Variants in USP47 observed in about 807,000 individuals in gnomAD.
The protein encoded by USP47 is ubiquitin carboxyl-terminal hydrolase 47.
USP47 carries 35 observed loss-of-function variants against 165.1 expected under a neutral mutation model. The observed-to-expected ratio is 0.21, with a 90% CI of 0.16 to 0.28. The LOEUF (loss-of-function observed/expected upper bound fraction) is 0.28, where lower values mean the gene tolerates loss of function less well. USP47 is among the 10% of genes least tolerant of loss of function. USP47 has a pLI of 1.00. For synonymous variants in USP47, 531 were observed against 544.5 expected (o/e 0.98, Z 0.35); for missense variants, 1,277 against 1,607.4 (o/e 0.79, Z 3.52).
intron 1 of USP47, among the ~76,000 whole-genome samples, chr11:11,862,114 A>G (rs141268460): frequency 2.1e-4 from 32 of 152,190 alleles, no homozygotes; most frequent in African/African-American, 7.2e-4. Flanking sequence ...ACTTCACTTA[A>G]GTAGTAAAAG....
At position 11,929,489 on chromosome 11, in the gene USP47, G is replaced by T; in HGVS notation, c.1442G>T (p.Gly481Val). The T allele has an allele frequency of 6.2e-7, 1 of 1,613,256 alleles. No individual in the cohort carries two copies. Among genetic ancestry groups the T allele is most frequent in the Non-Finnish European group, 8.5e-7 (1 of 1,179,450 alleles). ...ATGGTTCATTCTGGGAGCGCTGCTG[G>T]TGGTCATTATTATGCATGTATAAAG... ...SVMVHSGSAAGGHYYACIKSF... is the reference protein window; with the variant it reads ...SVMVHSGSAAVGHYYACIKSF... The change falls in exon 12 of 28, where the codon GGT (glycine) becomes GTT (valine). Residue 481 changes from glycine to valine, a missense_variant. By Grantham distance (109) the Gly-to-Val change is moderately radical (BLOSUM62 -3). Around this residue, in one of 4 missense-constraint regions of USP47, gnomAD observed 909 missense variants for 1,068.1 expected, o/e 0.85. Transcript: ENST00000527733.
rs1007245456 is a variant in USP47, at chr11:11,842,154, G to A, written c.-32G>A. On this transcript the variant is annotated 5_prime_UTR_variant, in exon 1 of 28. Coordinates refer to ENST00000527733, the MANE Select transcript of USP47 (RefSeq NM_001282659.2). The stretch of plus-strand genomic sequence containing the variant: ...CCGCCGCCACCCTCCACCCTCCCCC[G>A]GCAGGGCGGAGAGGAGCGGCCGGAG... 3.9e-6 allele frequency: 6 copies of A among 1,551,166 alleles called. No individual in the cohort carries two copies. The African/African-American group carries it at 6.8e-5, about 18-fold the overall frequency.
intron 1 of USP47, among the ~76,000 whole-genome samples, chr11:11,855,106 AAAAAG>A (rs935091337): frequency 1.9e-4 from 29 of 152,088 alleles, no homozygotes; most frequent in Non-Finnish European, 3.8e-4. Context: ...GGAAAAAAAA[AAAAAG>A]AAAAGAAAAT....
At chr11:11,861,579 A>G (rs2134195030) in intron 1 of USP47, among the ~76,000 whole-genome samples, 1 of 152,316 alleles carries the variant, frequency 6.6e-6, no homozygotes, top group East Asian at 1.9e-4. Flanking sequence ...TGTTGCAACA[A>G]CTAAAAATAA....
chr11:11,905,608 G>A, intron 8 of USP47, 60 bp downstream of exon 8: 2 of 1,454,516 alleles, frequency 1.4e-6, no homozygotes, highest in Admixed American at 4.0e-5. Flanking sequence ...ATAGCACAGT[G>A]GTATAATCTC....
intron 25 of USP47, among the ~76,000 whole-genome samples, chr11:11,954,185 G>A (rs1856410427): frequency 6.6e-6 from 1 of 152,116 alleles, no homozygotes; most frequent in Non-Finnish European, 1.5e-5. Context: ...AGGAGGTGGA[G>A]GTTGCAGTGA....
intron 16 of USP47, among the ~76,000 whole-genome samples, chr11:11,935,658 G>A (rs79258342): frequency 0.014 from 2,065 of 151,964 alleles, 19 homozygotes; most frequent in South Asian, 0.041. Context: ...CAATCCTACT[G>A]TGTTTCTCTA....
Position 11,960,696 on chromosome 11 carries a change from G to GTGC in USP47, c.*4533_*4535dup, listed in dbSNP as rs1847414853. Among the ~76,000 whole-genome samples the GTGC allele has an allele frequency of 6.6e-6, 1 of 152,342 alleles. No homozygotes were observed. The highest frequency in any genetic ancestry group is 2.1e-4 in the South Asian group (1 of 4,826). ...TTGGTCATCTTTATACAGGGCAATTGTGCTGCTGCTGCTGAGGTGGCCACT... is the reference window on the plus strand; with the variant it reads ...TTGGTCATCTTTATACAGGGCAATTGTGCTGCTGCTGCTGCTGAGGTGGCCACT... On this transcript the variant is annotated 3_prime_UTR_variant, in exon 28 of 28. Transcript: ENST00000527733.
At chr11:11,887,112 C>T (rs899865617) in intron 3 of USP47, among the ~76,000 whole-genome samples, 26 of 152,162 alleles carry the variant, frequency 1.7e-4, no homozygotes, top group Non-Finnish European at 3.7e-4. Context: ...AAACTGTTAC[C>T]AGCCAGTACA....
At position 11,942,897 on chromosome 11, in the gene USP47, T is replaced by C; in HGVS notation, c.2876T>C (p.Ile959Thr). Residue 959 changes from isoleucine to threonine, a missense_variant, in exon 20 of 28, where the codon ATC becomes ACC. This residue lies in a region of USP47 where 909 missense variants were observed against 1,068.1 expected (regional missense o/e 0.85). Transcript: ENST00000527733. ...TTGTGCAATGCAGACAATGCTCAGA[T>C]CCCTTTGGCTAATGGACTTGACTCT... ...DTLCNADNAQ[I>T]PLANGLDSHS... is the part of the protein sequence containing the mutation. 2 of 1,613,570 alleles carry C rather than the reference T, an allele frequency of 1.2e-6. No individual in the cohort carries two copies. The highest frequency in any genetic ancestry group is 1.7e-6 in the Non-Finnish European group (2 of 1,179,712).
intron 14 of USP47, among the ~76,000 whole-genome samples, chr11:11,931,112 A>C (rs1418759452): frequency 6.6e-6 from 1 of 152,136 alleles, no homozygotes; most frequent in Non-Finnish European, 1.5e-5. Context: ...AGGCTGTATT[A>C]CAAATATCTA....
intron 20 of USP47, among the ~76,000 whole-genome samples, chr11:11,947,213 A>G (rs1167358845): frequency 1.3e-5 from 2 of 152,224 alleles, no homozygotes; most frequent in African/African-American, 4.8e-5. Flanking sequence ...GATTAAAATA[A>G]TAAGCATTAG....
chr11:11,950,494 AT>A lies in USP47; in HGVS notation c.3583+17del. 2 of 1,554,424 alleles carry A rather than the reference AT, an allele frequency of 1.3e-6. No individual in the cohort carries two copies. On this transcript the variant is annotated intron_variant, in intron 24 of 27. Coordinates refer to ENST00000527733, the MANE Select transcript of USP47 (RefSeq NM_001282659.2). Reference sequence around the variant, plus strand: ...TGAAGTTCTTGATGGTATTTTCAATATTTTTGGGGGGAAGTATCAGTTAGAA... The same window carrying A: ...TGAAGTTCTTGATGGTATTTTCAATATTTTGGGGGGAAGTATCAGTTAGAA...
chr11:11,848,771 G>A (rs1468951931), intron 1 of USP47, among the ~76,000 whole-genome samples: 3 of 151,816 alleles, frequency 2.0e-5, no homozygotes, highest in Non-Finnish European at 4.4e-5. Flanking sequence ...CACCACACCT[G>A]GCTAATTTTT....
At chr11:11,945,729 G>A (rs1334642705) in intron 20 of USP47, among the ~76,000 whole-genome samples, 1 of 151,994 alleles carries the variant, frequency 6.6e-6, no homozygotes, top group Non-Finnish European at 1.5e-5. Context: ...GAACCCAGGA[G>A]TTAGAAACCA....
At chr11:11,855,510 G>C (rs1281539294) in intron 1 of USP47, among the ~76,000 whole-genome samples, 1 of 152,164 alleles carries the variant, frequency 6.6e-6, no homozygotes, top group Non-Finnish European at 1.5e-5. Context: ...CTTTCTAGTA[G>C]AGAAAAATTA....
intron 18 of USP47, among the ~76,000 whole-genome samples, chr11:11,939,302 C>G (rs1461533860): frequency 6.6e-6 from 1 of 151,922 alleles, no homozygotes; most frequent in African/African-American, 2.4e-5. Flanking sequence ...CAAGTTGAGT[C>G]CAGTTTTCAG....
chr11:11,933,165 C>A, intron 15 of USP47, 49 bp downstream of exon 15: 1 of 1,437,200 alleles, frequency 7.0e-7, no homozygotes, highest in East Asian at 2.3e-5. Context: ...TTTTTAAGCT[C>A]GCTTACCTGC....
rs1199287852 is a variant in USP47, at chr11:11,949,879, A to T, written c.3349-10A>T. ...ATTCAAGCTCTGATTGTTTATGTTT[A>T]TATTTCTAGCCATGCAAGTTTCTGC... On this transcript the variant is annotated splice_polypyrimidine_tract_variant and intron_variant, in intron 22 of 27. Transcript: ENST00000527733. 1 of 1,578,262 alleles carries T rather than the reference A, an allele frequency of 6.3e-7. No homozygotes were observed. The highest frequency in any genetic ancestry group is 8.7e-7 in the Non-Finnish European group (1 of 1,149,450).
Sources: gnomAD v4.1 joint callset for allele counts (sites outside exome capture counted in the v4.1 genomes callset) on GRCh38, gnomAD v4.1.1 for gene constraint, gnomAD v4.1.1 regional missense constraint, MANE v1.5 for transcripts, NCBI Gene and HGNC (gene_info 2026-07-23, HGNC 2026-07-21) for gene names.